DSG4: variants seen among roughly 807,000 people sequenced by gnomAD.
DSG4 encodes desmoglein-4.
A neutral mutation model predicts 93.1 loss-of-function variants in DSG4; 87 were observed. That is an observed-to-expected ratio of 0.93 (90% CI 0.79 to 1.12). DSG4 has a LOEUF of 1.12. Ranked by LOEUF, DSG4 falls within the 50% of genes most tolerant of loss-of-function variation. The probability of loss-of-function intolerance (pLI) is 0.00; values close to 1 mark genes in which losing one functional copy is unlikely to be tolerated. For missense variants in DSG4, 1,373 were observed against 1,285.7 expected (o/e 1.07, Z -1.04); for synonymous variants, 432 against 452.9 (o/e 0.95, Z 0.59).
At chr18:31,385,331 G>A (rs2072176050) in intron 2 of DSG4, among the ~76,000 whole-genome samples, 160 bp downstream of exon 2, 1 of 152,166 alleles carries the variant, frequency 6.6e-6, no homozygotes, top group African/African-American at 2.4e-5. Context: ...TAAAATCCAT[G>A]CTCCCAAATC....
chr18:31,378,066 AGCCGAACACT>A (rs1029218103), intron 1 of DSG4, among the ~76,000 whole-genome samples: 4 of 152,206 alleles, frequency 2.6e-5, no homozygotes, highest in African/African-American at 9.6e-5. Flanking sequence ...GCAGTGCGGG[AGCCGAACACT>A]GCCAAAGGGC....
intron 3 of DSG4, 85 bp from the exon 4 acceptor site, chr18:31,388,279 AAAG>A: frequency 6.7e-7 from 1 of 1,487,156 alleles, no homozygotes; most frequent in Non-Finnish European, 9.2e-7. Context: ...CCCATTTGGT[AAAG>A]AAACCCACTC....
intron 8 of DSG4, among the ~76,000 whole-genome samples, chr18:31,393,929 A>T (rs2072277004): frequency 6.6e-6 from 1 of 152,210 alleles, no homozygotes; most frequent in Non-Finnish European, 1.5e-5. Flanking sequence ...ATTGTCATCC[A>T]AATGAATACA....
At chr18:31,399,881 A>G (rs921669934) in intron 9 of DSG4, among the ~76,000 whole-genome samples, 1 of 152,164 alleles carries the variant, frequency 6.6e-6, no homozygotes, top group African/African-American at 2.4e-5. Flanking sequence ...TGTGGGCAAT[A>G]AGTCACCATA....
chr18:31,386,504 A>T (rs189924464), intron 2 of DSG4, among the ~76,000 whole-genome samples, 184 bp from the exon 3 acceptor site: 1 of 152,312 alleles, frequency 6.6e-6, no homozygotes, highest in East Asian at 1.9e-4. Flanking sequence ...ATTCCAAAAG[A>T]AGTGGCAGCC....
intron 8 of DSG4, among the ~76,000 whole-genome samples, chr18:31,395,874 G>C (rs2072299847): frequency 6.6e-6 from 1 of 152,142 alleles, no homozygotes; most frequent in Admixed American, 6.5e-5. Flanking sequence ...TGTAATTCCA[G>C]TTACTTGGGA....
chr18:31,391,127 C>T lies in DSG4; in HGVS notation c.734C>T (p.Ala245Val), dbSNP rs1211118204. ...LVVRGSDRDG[A>V]ADGLSSECDC... ...GTGAGAGGCTCAGATCGGGATGGAG[C>T]TGCAGATGGACTGTCTTCTGAGTGT... Residue 245 changes from alanine (A) to valine (V), a missense_variant, in exon 7 of 16, where the codon GCT becomes GTT. Transcript: ENST00000308128. 1 of 1,613,788 alleles carries T rather than the reference C, an allele frequency of 6.2e-7. No individual in the cohort carries two copies. The highest frequency in any genetic ancestry group is 1.3e-5 in the African/African-American group (1 of 75,018).
rs764606606 is a variant in DSG4 at position 31,392,194 on chromosome 18, C to T, written c.859C>T (p.Leu287=). The change falls in exon 8 of 16, where the codon CTG becomes TTG. Residue 287 remains leucine, a synonymous_variant. Coordinates refer to ENST00000308128, the MANE Select transcript of DSG4 (RefSeq NM_177986.5). ...SIEENCLSSE[L]IRLQAIDLDE... The stretch of plus-strand genomic sequence containing the variant: ...TGAAGAGAATTGTTTAAGTTCGGAA[C>T]TGATACGATTACAAGCAATTGATCT... 2 of 1,613,686 alleles carry T rather than the reference C, an allele frequency of 1.2e-6. No individual in the cohort carries two copies. Among genetic ancestry groups the T allele is most frequent in the South Asian group, 2.2e-5 (2 of 91,068 alleles).
Position 31,388,977 on chromosome 18 carries a change from A to G in DSG4, c.476A>G (p.Gln159Arg). 1.2e-6 allele frequency: 2 copies of G among 1,613,534 alleles called. No individual in the cohort carries two copies. Among genetic ancestry groups the G allele is most frequent in the East Asian group, 4.5e-5 (2 of 44,848 alleles). The change falls in exon 5 of 16, where the codon CAA becomes CGA. Residue 159 changes from glutamine to arginine, a missense_variant. Coordinates refer to ENST00000308128, the MANE Select transcript of DSG4 (RefSeq NM_177986.5). ...AATGATAACGCTCCAGTCTTTTCGC[A>G]AAGTGTATACACAGCCAGCATTGAA... ...DINDNAPVFS[Q>R]SVYTASIEEN... is the part of the protein sequence containing the mutation.
intron 8 of DSG4, among the ~76,000 whole-genome samples, chr18:31,392,860 A>C (rs901704001): frequency 6.6e-6 from 1 of 152,226 alleles, no homozygotes; most frequent in African/African-American, 2.4e-5. Flanking sequence ...AGTTCAGGGC[A>C]TGGTGAGCAA....
intron 6 of DSG4, 85 bp downstream of exon 6, chr18:31,390,907 C>T (rs928962756): frequency 1.3e-6 from 2 of 1,534,962 alleles, no homozygotes; most frequent in Non-Finnish European, 1.8e-6. Flanking sequence ...ACCCTTACTC[C>T]AATATAAAGG....
chr18:31,393,530 T>C (rs1026672016), intron 8 of DSG4, among the ~76,000 whole-genome samples: 1 of 152,122 alleles, frequency 6.6e-6, no homozygotes, highest in Non-Finnish European at 1.5e-5. Context: ...CCTAGACTCC[T>C]GTAAACAACC....
intron 1 of DSG4, among the ~76,000 whole-genome samples, chr18:31,381,673 T>G (rs1373196771): frequency 1.3e-5 from 2 of 152,172 alleles, no homozygotes; most frequent in Non-Finnish European, 2.9e-5. Context: ...TTTTTTTTCT[T>G]TTTTGAGTTG....
intron 9 of DSG4, among the ~76,000 whole-genome samples, chr18:31,400,357 G>T (rs2072351444): frequency 6.6e-6 from 1 of 152,184 alleles, no homozygotes; most frequent in Admixed American, 6.5e-5. Flanking sequence ...TTGAAATTGT[G>T]CCTGGTAGAG....
intron 5 of DSG4, among the ~76,000 whole-genome samples, chr18:31,389,983 A>G (rs1469487782): frequency 6.6e-6 from 1 of 152,198 alleles, no homozygotes; most frequent in African/African-American, 2.4e-5. Flanking sequence ...CTCCCTGCCT[A>G]GGAAGCAAAA....
chr18:31,411,372 G>A lies in DSG4; in HGVS notation c.2279G>A (p.Ser760Asn), dbSNP rs2072488770. The stretch of plus-strand genomic sequence containing the variant: ...GCCTCAGGGGCCGCAAGGAAGAGGA[G>A]CTCTACCATGGGAACCCTGCGGGAC... ...AGASGAARKR[S>N]STMGTLRDYA... The change falls in exon 15 of 16, where the codon AGC becomes AAC. Residue 760 changes from serine (S) to asparagine (N), a missense_variant. Transcript: ENST00000308128. 1.2e-6 allele frequency: 2 copies of A among 1,614,040 alleles called. No homozygotes were observed. Among genetic ancestry groups the A allele is most frequent in the South Asian group, 2.2e-5 (2 of 91,082 alleles).
At chr18:31,384,383 A>G in intron 1 of DSG4, among the ~76,000 whole-genome samples, 1 of 152,196 alleles carries the variant, frequency 6.6e-6, no homozygotes, top group East Asian at 1.9e-4. Context: ...CAATAAAATA[A>G]AATTTCTATT....
intron 1 of DSG4, among the ~76,000 whole-genome samples, chr18:31,380,069 T>A (rs76949231): frequency 6.6e-6 from 1 of 152,200 alleles, no homozygotes; most frequent in Non-Finnish European, 1.5e-5. Flanking sequence ...TTATATTTTT[T>A]GCCTTCAAAT....
chr18:31,409,693 T>C (rs753879666), intron 13 of DSG4, 52 bp from the exon 14 acceptor site: 3 of 1,613,922 alleles, frequency 1.9e-6, no homozygotes, highest in African/African-American at 1.3e-5. Flanking sequence ...TGTCAGTTTT[T>C]AAATGTTTAA....
Sources: gnomAD v4.1 joint callset for allele counts (sites outside exome capture counted in the v4.1 genomes callset) on GRCh38, gnomAD v4.1.1 for gene constraint, MANE v1.5 for transcripts, NCBI Gene and HGNC (gene_info 2026-07-23, HGNC 2026-07-21) for gene names.